Variants in MAP3K3 observed in about 807,000 individuals in gnomAD.
MAP3K3 encodes the protein MAP/ERK kinase kinase 3.
A neutral mutation model predicts 80.9 loss-of-function variants in MAP3K3; 12 were observed. That is an observed-to-expected ratio of 0.15 (90% CI 0.10 to 0.24). The LOEUF is 0.24. Among genes scored for constraint, MAP3K3 ranks in the 10% least tolerant of loss-of-function variants. The pLI is 1.00. For synonymous variants in MAP3K3, 272 were observed against 307.1 expected (o/e 0.89, Z 1.19); for missense variants, 596 against 834.7 (o/e 0.71, Z 3.52).
At position 63,691,997 on chromosome 17, in the gene MAP3K3, G is replaced by C. The variant is rs2035602185; in HGVS notation, c.1474+135G>C. 1 of 1,074,574 alleles carries C rather than the reference G, an allele frequency of 9.3e-7. No homozygotes were observed. The allele number at this position is 1,074,574 out of a possible 1,614,324, so 66.6% of individuals were successfully genotyped here. A position where few individuals can be genotyped will look rare whatever the true frequency, so the allele number is the denominator to read the frequency against. ...CCCCAGTTGTTTCCCTGAGGAACTG[G>C]TGAGATTGGTTGAGCAATATGAGAG... On this transcript the variant is annotated intron_variant, in intron 14 of 15. Transcript: ENST00000361733. The surrounding 1 kb of genome is among the most constrained non-coding windows in gnomAD (Gnocchi z 4.8).
intron 4 of MAP3K3, among the ~76,000 whole-genome samples, chr17:63,655,959 A>ATG (rs1340084702): frequency 1.3e-5 from 2 of 152,174 alleles, no homozygotes; most frequent in East Asian, 3.9e-4. Context: ...GCGAGGCGCG[A>ATG]TGGTTCATGC....
At chr17:63,674,470 A>C (rs1016532730) in intron 6 of MAP3K3, among the ~76,000 whole-genome samples, 2 of 152,130 alleles carry the variant, frequency 1.3e-5, no homozygotes, top group Non-Finnish European at 2.9e-5. Flanking sequence ...TCCTCGCCTC[A>C]GCCTCCCAAA....
chr17:63,686,654 G>A (rs867506610), intron 8 of MAP3K3, among the ~76,000 whole-genome samples: 2 of 152,082 alleles, frequency 1.3e-5, no homozygotes, highest in Admixed American at 6.5e-5. Context: ...TGTGGCCCCC[G>A]CAAAAGGCCA....
intron 3 of MAP3K3, among the ~76,000 whole-genome samples, chr17:63,647,126 T>G (rs1003972487): frequency 6.6e-6 from 1 of 152,198 alleles, no homozygotes; most frequent in African/African-American, 2.4e-5. Flanking sequence ...GACCTGTGGC[T>G]ACTATTCTCC....
intron 7 of MAP3K3, 149 bp downstream of exon 7, chr17:63,682,048 T>G: frequency 1.6e-6 from 1 of 622,766 alleles, no homozygotes; most frequent in Non-Finnish European, 2.4e-6. Context: ...CAAATATGGA[T>G]TGTCCCTTTT....
intron 2 of MAP3K3, chr17:63,634,761 C>T (rs2034287609): frequency 6.2e-7 from 1 of 1,614,000 alleles, no homozygotes; most frequent in African/African-American, 1.3e-5. Flanking sequence ...ACAGTAACAA[C>T]AAGCTCATGT....
chr17:63,669,385 G>A (rs1282990166), intron 6 of MAP3K3, among the ~76,000 whole-genome samples: 1 of 152,128 alleles, frequency 6.6e-6, no homozygotes, highest in African/African-American at 2.4e-5. Context: ...ACTCTCAGCT[G>A]CACTCAGACT....
chr17:63,689,741 G>C lies in MAP3K3; in HGVS notation c.1063+6G>C. 8.7e-6 allele frequency: 14 copies of C among 1,606,630 alleles called. No homozygotes were observed. Among genetic ancestry groups the C allele is most frequent in the Non-Finnish European group, 1.2e-5 (14 of 1,174,868 alleles). On this transcript the variant is annotated splice_donor_region_variant and intron_variant, in intron 11 of 15. Coordinates refer to ENST00000361733, the MANE Select transcript of MAP3K3 (RefSeq NM_002401.5). This position sits in a 1 kb window ranked among gnomAD's most constrained non-coding sequence, Gnocchi z 4.3. ...GAGGAATGTGCCAACCAAGTGTGAG[G>C]AGCTGTCCCTGGCTAGGAGGAGACT...
intron 2 of MAP3K3, among the ~76,000 whole-genome samples, chr17:63,644,976 C>A (rs527373559): frequency 6.6e-6 from 1 of 152,310 alleles, no homozygotes; most frequent in East Asian, 1.9e-4. Context: ...CTTTCCCTGT[C>A]ATTTTTTAAA....
In MAP3K3 at chr17:63,685,548, C is replaced by A. The variant is rs2035430771; in HGVS notation, c.668C>A (p.Ser223Tyr). The A allele has an allele frequency of 6.2e-7, 1 of 1,613,990 alleles. No homozygotes were observed. The highest frequency in any genetic ancestry group is 1.1e-5 in the South Asian group (1 of 91,086). Residue 223 changes from serine (S) to tyrosine (Y), a missense_variant, in exon 8 of 16, where the codon TCC (serine) becomes TAC (tyrosine). Transcript: ENST00000361733. ...MLDPLSSAENSLSGSCQSLDR... is the reference protein window; with the variant it reads ...MLDPLSSAENYLSGSCQSLDR... The stretch of plus-strand genomic sequence containing the variant: ...GATCCCCTGAGCAGTGCAGAAAATT[C>A]CTTGTCTGGAAGCTGCCAATCCTTG...
At chr17:63,639,036 A>G (rs1285710520) in intron 2 of MAP3K3, among the ~76,000 whole-genome samples, 5 of 152,144 alleles carry the variant, frequency 3.3e-5, no homozygotes, top group Admixed American at 3.3e-4. Context: ...AAAAAGAAAA[A>G]AGAAAGGTAT....
At position 63,693,756 on chromosome 17, in the gene MAP3K3, C is replaced by A; in HGVS notation, c.1860C>A (p.His620Gln). The A allele has an allele frequency of 6.2e-7, 1 of 1,602,072 alleles. No individual in the cohort carries two copies. The highest frequency in any genetic ancestry group is 1.3e-5 in the African/African-American group (1 of 74,470). ...RPSAEELLTH[H>Q]FAQLMY is the part of the protein sequence containing the mutation. ...CAGCTGAGGAGCTGCTCACACACCA[C>A]TTTGCACAGCTCATGTACTGAGCTC... Residue 620 changes from histidine (H) to glutamine (Q), a missense_variant, in exon 16 of 16, where the codon CAC becomes CAA. By Grantham distance (24) the His-to-Gln change is conservative. This residue lies in a region of MAP3K3 where 364 missense variants were observed against 588.9 expected (regional missense o/e 0.62). Coordinates refer to ENST00000361733, the MANE Select transcript of MAP3K3 (RefSeq NM_002401.5). The surrounding 1 kb of genome is among the most constrained non-coding windows in gnomAD (Gnocchi z 4.2).
intron 6 of MAP3K3, among the ~76,000 whole-genome samples, chr17:63,681,525 G>A (rs1305333109): frequency 1.3e-5 from 2 of 152,208 alleles, no homozygotes; most frequent in African/African-American, 4.8e-5. Context: ...TCTGGTTTCT[G>A]TTTTGTGTCA....
intron 4 of MAP3K3, 82 bp from the exon 5 acceptor site, chr17:63,657,708 TTTTG>T (rs1269986897): frequency 3.4e-6 from 2 of 590,606 alleles, no homozygotes; most frequent in African/African-American, 1.9e-5. Flanking sequence ...TATTTTTATT[TTTTG>T]TTTATTTTAT....
At chr17:63,676,037 T>C (rs1250349560) in intron 6 of MAP3K3, among the ~76,000 whole-genome samples, 1 of 152,202 alleles carries the variant, frequency 6.6e-6, no homozygotes, top group Non-Finnish European at 1.5e-5. Context: ...CCTGGAGCAG[T>C]TCTGCCAACT....
chr17:63,663,802 G>A (rs372297810), intron 5 of MAP3K3, among the ~76,000 whole-genome samples: 1 of 152,102 alleles, frequency 6.6e-6, no homozygotes. Context: ...TGAGGCGGGA[G>A]GATCACTTGA....
At chr17:63,628,168 A>G (rs1451023891) in intron 1 of MAP3K3, among the ~76,000 whole-genome samples, 3 of 151,642 alleles carry the variant, frequency 2.0e-5, no homozygotes, top group Non-Finnish European at 4.4e-5. Context: ...GGCCTCCCAA[A>G]GTGCTGAGAT....
chr17:63,630,285 T>G (rs2034189064), intron 1 of MAP3K3, among the ~76,000 whole-genome samples: 1 of 152,140 alleles, frequency 6.6e-6, no homozygotes, highest in Admixed American at 6.5e-5. Context: ...TATGCTCTAG[T>G]TTTTAAAGTT....
At chr17:63,658,934 C>T (rs887326866) in intron 5 of MAP3K3, among the ~76,000 whole-genome samples, 7 of 152,164 alleles carry the variant, frequency 4.6e-5, no homozygotes, top group South Asian at 2.1e-4. Flanking sequence ...CAAGGTTTCA[C>T]CATGTTCGTC....
Sources: allele counts gnomAD v4.1 joint callset (sites outside exome capture counted in the v4.1 genomes callset), GRCh38; gene constraint gnomAD v4.1.1; regional missense constraint gnomAD v4.1.1; non-coding constraint Gnocchi (gnomAD v3.1); transcripts MANE v1.5; gene names NCBI Gene and HGNC (gene_info 2026-07-23, HGNC 2026-07-21).